The following CLCN7 variants were observed in gnomAD, a reference collection of about 807,000 sequenced individuals.
CLCN7 encodes the protein H(+)/Cl(-) exchange transporter 7.
Under a neutral mutation model 102.1 loss-of-function variants are expected in CLCN7, and 60 were observed. The ratio of observed to expected loss-of-function variants is 0.59; its 90% confidence interval spans 0.48 to 0.73. The LOEUF (loss-of-function observed/expected upper bound fraction) is 0.73, where lower values mean the gene tolerates loss of function less well. Ranked by LOEUF, CLCN7 falls within the 30% of genes least tolerant of loss-of-function variation. The pLI is 0.00. For synonymous variants in CLCN7, 560 were observed against 490.5 expected, an observed-to-expected ratio of 1.14 and a Z score of -1.87; for missense variants, 962 against 1,125.7, an observed-to-expected ratio of 0.85 and a Z score of 2.08.
intron 1 of CLCN7, among the ~76,000 whole-genome samples, chr16:1,470,550 G>A (rs1290705777): frequency 1.3e-5 from 2 of 152,226 alleles, no homozygotes; most frequent in African/African-American, 2.4e-5. Context: ...TGCTGTCCAT[G>A]CAGTGTCCCC....
At chr16:1,469,989 G>C (rs1641621629) in intron 1 of CLCN7, among the ~76,000 whole-genome samples, 1 of 152,240 alleles carries the variant, frequency 6.6e-6, no homozygotes, top group African/African-American at 2.4e-5. Flanking sequence ...CCACTCGCAA[G>C]AGGGCCCTGG....
In CLCN7 at chr16:1,452,825, G is replaced by C. The variant is rs1432475602; in HGVS notation, c.1283C>G (p.Ala428Gly). The C allele has an allele frequency of 1.2e-6, 2 of 1,601,462 alleles. No individual in the cohort carries two copies. Among genetic ancestry groups the C allele is most frequent in the Non-Finnish European group, 1.7e-6 (2 of 1,174,422 alleles). ...VLVAAVTATV[A>G]FVLIYSSRDC... ...CCGCGACGAGTAGATCAGCACGAAG[G>C]CAACTGTGGCCGTGACGGCGGCCAC... is the stretch of plus-strand genomic sequence containing the variant. Residue 428 changes from alanine (A) to glycine (G), a missense_variant, in exon 15 of 25, where the codon GCC becomes GGC. Physicochemically the swap from Ala to Gly is moderately conservative, Grantham distance 60 (BLOSUM62 0). Coordinates refer to ENST00000382745, the MANE Select transcript of CLCN7 (RefSeq NM_001287.6).
chr16:1,455,099 A>ACGAGGTGGG (rs749681176), intron 12 of CLCN7, 35 bp downstream of exon 12: 29 of 1,210,698 alleles, frequency 2.4e-5, no homozygotes, highest in Non-Finnish European at 3.4e-5. Context: ...GGACCAGGAT[A>ACGAGGTGGG]CGAGGTGGGC....
In CLCN7 at chr16:1,448,821, C is replaced by A. The variant is rs566605213; in HGVS notation, c.1798-55G>T. On this transcript the variant is annotated intron_variant, in intron 19 of 24. Coordinates refer to ENST00000382745, the MANE Select transcript of CLCN7 (RefSeq NM_001287.6). Reference sequence around the variant, plus strand: ...AGGAGTCCACACCCACCCCTGGAGCCCCGAGCCTACCCCTGGGAGCCCAGA... The same window carrying A: ...AGGAGTCCACACCCACCCCTGGAGCACCGAGCCTACCCCTGGGAGCCCAGA... The A allele has an allele frequency of 9.4e-5, 150 of 1,600,006 alleles. No homozygotes were observed. In the South Asian group the frequency reaches 1.5e-3, roughly 15 times the overall value.
intron 6 of CLCN7, among the ~76,000 whole-genome samples, chr16:1,460,144 G>C (rs545012754): frequency 6.6e-6 from 1 of 152,064 alleles, no homozygotes; most frequent in South Asian, 2.1e-4. Flanking sequence ...GGGGAGGGCA[G>C]AGTGAGGAGA....
chr16:1,458,163 G>A (rs2038869608), intron 7 of CLCN7, among the ~76,000 whole-genome samples: 1 of 152,226 alleles, frequency 6.6e-6, no homozygotes, highest in African/African-American at 2.4e-5. Flanking sequence ...CTGGTCACCT[G>A]CGGCTCCACG....
chr16:1,451,392 C>G (rs1255279269), intron 16 of CLCN7, among the ~76,000 whole-genome samples: 1 of 152,164 alleles, frequency 6.6e-6, no homozygotes, highest in African/African-American at 2.4e-5. Flanking sequence ...TTTGCAAAGA[C>G]AGAGTCTCGC....
At chr16:1,455,030 C>G in intron 12 of CLCN7, 104 bp downstream of exon 12, 1 of 785,848 alleles carries the variant, frequency 1.3e-6, no homozygotes, top group Non-Finnish European at 2.3e-6. Flanking sequence ...CCACAGCTAT[C>G]AACCAGAGTT....
Position 1,457,818 on chromosome 16 carries a change from C to A in CLCN7, c.676-62G>T. On this transcript the variant is annotated intron_variant, in intron 7 of 24. Transcript: ENST00000382745. The surrounding 1 kb of genome is among the most constrained non-coding windows in gnomAD (Gnocchi z 5.4). ...GGCAGGCGCTGTCTTTGGACCTGAG[C>A]CGTAAAACAGCACACACAGCCCCGA... 1 of 1,521,558 alleles carries A rather than the reference C, an allele frequency of 6.6e-7. No homozygotes were observed. Among genetic ancestry groups the A allele is most frequent in the Non-Finnish European group, 9.1e-7 (1 of 1,097,578 alleles). The allele number at this position is 1,521,558 out of a possible 1,614,324, so 94.3% of individuals were successfully genotyped here.
intron 6 of CLCN7, among the ~76,000 whole-genome samples, chr16:1,460,156 G>T (rs995859364): frequency 1.3e-5 from 2 of 151,966 alleles, no homozygotes; most frequent in African/African-American, 4.8e-5. Context: ...GTGAGGAGAT[G>T]GAAGGAGGGG....
chr16:1,469,065 G>A (rs985654095), intron 1 of CLCN7, among the ~76,000 whole-genome samples: 10 of 151,424 alleles, frequency 6.6e-5, no homozygotes, highest in Admixed American at 2.6e-4. Flanking sequence ...AATTAGCCGG[G>A]CATGGTGGTG....
chr16:1,451,422 T>C (rs1268603452), intron 16 of CLCN7, among the ~76,000 whole-genome samples: 1 of 152,190 alleles, frequency 6.6e-6, no homozygotes, highest in East Asian at 1.9e-4. Flanking sequence ...CAGGCTGGTC[T>C]TAACCTCCTA....
In CLCN7 at chr16:1,450,501, G is replaced by A. The variant is rs548941878; in HGVS notation, c.1613C>T (p.Ala538Val). The part of the protein sequence containing the change: ...FGISLSYLTG[A>V]AIWADPGKYA... Reference sequence around the variant, plus strand: ...CTCCCCTCCGGCCCCACTCACCGCCGCCCCCGTGAGGTAGGACAGGGAGAT... The same window carrying A: ...CTCCCCTCCGGCCCCACTCACCGCCACCCCCGTGAGGTAGGACAGGGAGAT... Residue 538 changes from alanine (A) to valine (V), a missense_variant, in exon 17 of 25, where the codon GCG becomes GTG. By Grantham distance (64) the Ala-to-Val change is moderately conservative. Coordinates refer to ENST00000382745, the MANE Select transcript of CLCN7 (RefSeq NM_001287.6). 3.1e-6 allele frequency: 5 copies of A among 1,601,326 alleles called. No individual in the cohort carries two copies. The highest frequency in any genetic ancestry group is 1.7e-4 in the Middle Eastern group (1 of 5,818).
chr16:1,469,915 G>A (rs1021261940), intron 1 of CLCN7, among the ~76,000 whole-genome samples: 3 of 152,212 alleles, frequency 2.0e-5, no homozygotes, highest in African/African-American at 2.4e-5. Flanking sequence ...GCTGCAGCAC[G>A]ACGGGCCGGA....
In CLCN7 at chr16:1,474,946, C is replaced by T; in HGVS notation, c.29G>A (p.Trp10Ter). ...CTCGTCGTCCCGGTCCCGGCCGGAC[C>T]AGGACACCTTCTTAGAGACGTTGGC... MANVSKKVS[W>*]SGRDRDDEEA... Residue 10 changes from tryptophan to a stop codon, truncating the protein, a stop_gained, in exon 1 of 25, where the codon TGG becomes TAG. Transcript: ENST00000382745. LOFTEE classifies it high-confidence loss of function. 1 of 1,492,218 alleles carries T rather than the reference C, an allele frequency of 6.7e-7. No individual in the cohort carries two copies. Among genetic ancestry groups the T allele is most frequent in the Non-Finnish European group, 8.9e-7 (1 of 1,126,418 alleles). 92.4% of individuals were successfully genotyped at this position (1,492,218 alleles called of 1,614,324 possible). A position where few individuals can be genotyped will look rare whatever the true frequency, so the allele number is the denominator to read the frequency against.
intron 21 of CLCN7, 80 bp downstream of exon 21, chr16:1,448,275 C>A (rs773196854): frequency 1.3e-4 from 200 of 1,583,128 alleles, no homozygotes; most frequent in Admixed American, 2.2e-4. Context: ...CCCCATCCTG[C>A]AAACCTTGCC....
chr16:1,459,204 A>G lies in CLCN7; in HGVS notation c.595-17T>C, dbSNP rs1339596584. ...AGCCACCGGCTGAAAGAGGGGAAGC[A>G]CGGCTGAGTGGGTCACGGCCAGGCT... On this transcript the variant is annotated splice_polypyrimidine_tract_variant and intron_variant, in intron 6 of 24. Transcript: ENST00000382745. 2.5e-6 allele frequency: 4 copies of G among 1,611,034 alleles called. No individual in the cohort carries two copies. The highest frequency in any genetic ancestry group is 3.4e-6 in the Non-Finnish European group (4 of 1,178,528).
chr16:1,465,778 G>A (rs747285213), intron 1 of CLCN7, among the ~76,000 whole-genome samples: 8 of 152,214 alleles, frequency 5.3e-5, no homozygotes, highest in Admixed American at 2.6e-4. Context: ...TGGGTCTTGA[G>A]ACACAAACGG....
chr16:1,448,682 T>C lies in CLCN7; in HGVS notation c.1882A>G (p.Arg628Gly), dbSNP rs2038693675. 6.2e-7 allele frequency: 1 copy of C among 1,612,518 alleles called. No individual in the cohort carries two copies. Among genetic ancestry groups the C allele is most frequent in the Admixed American group, 1.7e-5 (1 of 60,008 alleles). Reference sequence around the variant, plus strand: ...CCACAGGTGTCCTGGGCGCTGTACCTGGCAGTGAGTGAGTGTGAGGTGACC... The same window carrying C: ...CCACAGGTGTCCTGGGCGCTGTACCCGGCAGTGAGTGAGTGTGAGGTGACC... ...APVTSHSLTA[R>G]EVMSTPVTCL... Residue 628 changes from arginine (R) to glycine (G), a missense_variant and splice_region_variant, in exon 20 of 25, where the codon AGG becomes GGG. Coordinates refer to ENST00000382745, the MANE Select transcript of CLCN7 (RefSeq NM_001287.6).
Sources: allele counts gnomAD v4.1 joint callset (sites outside exome capture counted in the v4.1 genomes callset), GRCh38; gene constraint gnomAD v4.1.1; non-coding constraint Gnocchi (gnomAD v3.1); transcripts MANE v1.5; gene names NCBI Gene and HGNC (gene_info 2026-07-23, HGNC 2026-07-21).